The following CADPS2 variants were observed in gnomAD, a reference collection of about 807,000 sequenced individuals.
The protein encoded by CADPS2 is calcium dependent secretion activator 2.
In CADPS2, 93 loss-of-function variants were observed where a neutral mutation model predicts 172.5. That is an observed-to-expected ratio of 0.54 (90% CI 0.46 to 0.64). The LOEUF (loss-of-function observed/expected upper bound fraction) is 0.64, where lower values mean the gene tolerates loss of function less well. Among genes scored for constraint, CADPS2 ranks in the 30% least tolerant of loss-of-function variants. The pLI is 0.00. For missense variants in CADPS2, 1,420 were observed against 1,565.9 expected (o/e 0.91, Z 1.57); for synonymous variants, 546 against 555.2 (o/e 0.98, Z 0.23).
intron 9 of CADPS2, among the ~76,000 whole-genome samples, chr7:122,500,815 G>C (rs1455716066): frequency 1.3e-5 from 2 of 152,132 alleles, no homozygotes; most frequent in African/African-American, 2.4e-5. Context: ...ACTTATGTAA[G>C]TGGCAAGATA....
intron 3 of CADPS2, among the ~76,000 whole-genome samples, 181 bp downstream of exon 3, chr7:122,663,056 C>A (rs940170324): frequency 6.6e-6 from 1 of 152,112 alleles, no homozygotes; most frequent in African/African-American, 2.4e-5. Context: ...TCTCCTTCTA[C>A]CAAATACTTT....
intron 8 of CADPS2, among the ~76,000 whole-genome samples, chr7:122,542,490 T>C (rs2063202944): frequency 6.6e-6 from 1 of 152,166 alleles, no homozygotes; most frequent in Admixed American, 6.6e-5. Flanking sequence ...TTCATAACTT[T>C]CATTTTAAGA....
chr7:122,534,536 C>T (rs901695196), intron 8 of CADPS2, among the ~76,000 whole-genome samples: 2 of 152,008 alleles, frequency 1.3e-5, no homozygotes, highest in Non-Finnish European at 2.9e-5. Context: ...CAAACTGATA[C>T]AATTCTGAGA....
intron 27 of CADPS2, among the ~76,000 whole-genome samples, chr7:122,349,629 C>G (rs2038223294): frequency 6.6e-6 from 1 of 152,162 alleles, no homozygotes; most frequent in Non-Finnish European, 1.5e-5. Context: ...GTGAGTTCCT[C>G]TGACACTGTA....
At chr7:122,620,471 T>A (rs1338140646) in intron 5 of CADPS2, among the ~76,000 whole-genome samples, 1 of 152,124 alleles carries the variant, frequency 6.6e-6, no homozygotes, top group East Asian at 1.9e-4. Flanking sequence ...CACAGACATA[T>A]AACTAGATAA....
At chr7:122,520,921 T>C (rs1366443430) in intron 8 of CADPS2, among the ~76,000 whole-genome samples, 2 of 152,126 alleles carry the variant, frequency 1.3e-5, no homozygotes, top group Non-Finnish European at 2.9e-5. Flanking sequence ...ATACAGAAGA[T>C]GGGAATTATT....
chr7:122,454,627 A>G (rs1308801619), intron 14 of CADPS2, among the ~76,000 whole-genome samples: 1 of 152,216 alleles, frequency 6.6e-6, no homozygotes, highest in Admixed American at 6.5e-5. Context: ...AGTCAGTTAA[A>G]GAAGACCGTA....
chr7:122,403,834 T>G (rs2046270091), intron 20 of CADPS2, among the ~76,000 whole-genome samples: 1 of 152,180 alleles, frequency 6.6e-6, no homozygotes, highest in Non-Finnish European at 1.5e-5. Context: ...TGGAATATCA[T>G]CAAAAAATAT....
At chr7:122,823,911 A>T (rs1365020718) in intron 1 of CADPS2, among the ~76,000 whole-genome samples, 1 of 152,098 alleles carries the variant, frequency 6.6e-6, no homozygotes, top group Non-Finnish European at 1.5e-5. Flanking sequence ...TTTTTTAAAA[A>T]AAAGCTCACT....
chr7:122,729,372 G>T (rs2091423958), intron 2 of CADPS2, among the ~76,000 whole-genome samples: 1 of 151,530 alleles, frequency 6.6e-6, no homozygotes, highest in African/African-American at 2.4e-5. Flanking sequence ...AATTTCCTTT[G>T]GATAAATACC....
intron 25 of CADPS2, among the ~76,000 whole-genome samples, chr7:122,362,290 C>A (rs2040257492): frequency 6.6e-6 from 1 of 152,070 alleles, no homozygotes; most frequent in South Asian, 2.1e-4. Flanking sequence ...AAAACAGATA[C>A]ACACTGCAGA....
At position 122,886,403 on chromosome 7, in the gene CADPS2, C is replaced by G. The variant is rs946937328; in HGVS notation, c.-66G>C. 8 of 1,454,120 alleles carry G rather than the reference C, an allele frequency of 5.5e-6. No homozygotes were observed. The African/African-American group carries it at 1.0e-4, about 19-fold the overall frequency. The allele number at this position is 1,454,120 out of a possible 1,614,324, so 90.1% of individuals were successfully genotyped here. On this transcript the variant is annotated 5_prime_UTR_variant, in exon 1 of 30. Coordinates refer to ENST00000449022, the MANE Select transcript of CADPS2 (RefSeq NM_017954.11). The stretch of plus-strand genomic sequence containing the variant: ...GCGCCTCACCCCCGGCGGCTGCGCC[C>G]GCGGGTCTGAGGGAGCCGCGGGGCT...
At chr7:122,720,624 G>C (rs1477065730) in intron 2 of CADPS2, among the ~76,000 whole-genome samples, 2 of 151,262 alleles carry the variant, frequency 1.3e-5, no homozygotes, top group African/African-American at 4.9e-5. Context: ...ATACATATAT[G>C]TACGTATGTG....
At chr7:122,623,241 C>T (rs1334709215) in intron 4 of CADPS2, among the ~76,000 whole-genome samples, 6 of 34,980 alleles carry the variant, frequency 1.7e-4, no homozygotes, top group South Asian at 1.0e-3. Context: ...TTTAGTGGGG[C>T]GGGGGAGGGA....
rs778963218 is a variant in CADPS2 at position 122,637,208 on chromosome 7, T to TTTTTCTC, written c.787-7881_787-7880insGAGAAAA. 6.9e-4 allele frequency among the ~76,000 whole-genome samples: 43 copies of TTTTTCTC among 62,694 alleles called. 4 individuals are homozygous for TTTTTCTC. Among genetic ancestry groups the TTTTTCTC allele is most frequent in the Admixed American group, 3.7e-3 (14 of 3,798 alleles). 41.1% of individuals were successfully genotyped at this position (62,694 alleles called of 152,430 possible). A position where few individuals can be genotyped will look rare whatever the true frequency, so the allele number is the denominator to read the frequency against. On this transcript the variant is annotated intron_variant, in intron 3 of 29. Coordinates refer to ENST00000449022, the MANE Select transcript of CADPS2 (RefSeq NM_017954.11). Reference sequence around the variant, plus strand: ...TTTTTTTTTTTTTTTTTTTTTTTTTTCCTGAGACAGGGTCTCACTCTGTGG... The same window carrying TTTTTCTC: ...TTTTTTTTTTTTTTTTTTTTTTTTTTTTTTCTCCCTGAGACAGGGTCTCACTCTGTGG...
chr7:122,427,503 C>T (rs2049320627), intron 17 of CADPS2: 1 of 152,076 alleles, frequency 6.6e-6, no homozygotes, highest in South Asian at 2.1e-4. Flanking sequence ...CTCTGGAGAA[C>T]AAGTTTCTAT....
intron 2 of CADPS2, among the ~76,000 whole-genome samples, chr7:122,672,508 A>G (rs1221869698): frequency 6.6e-6 from 1 of 152,172 alleles, no homozygotes; most frequent in African/African-American, 2.4e-5. Flanking sequence ...GTCACCTAGT[A>G]CCCTCTCCAA....
In CADPS2 at chr7:122,360,734, A is replaced by ATT; in HGVS notation, c.3504+52_3504+53dup. On this transcript the variant is annotated intron_variant, in intron 27 of 29. Transcript: ENST00000449022. ...TGAAATAAACCCATGATGAACTGCA[A>ATT]TTTTTTTTTAAAGAATTCCATACAG... The ATT allele has an allele frequency of 3.4e-6, 5 of 1,473,656 alleles. No individual in the cohort carries two copies. The African/African-American group carries it at 5.7e-5, about 17-fold the overall frequency. The allele number at this position is 1,473,656 out of a possible 1,614,324, so 91.3% of individuals were successfully genotyped here.
intron 7 of CADPS2, among the ~76,000 whole-genome samples, chr7:122,573,636 T>G (rs1444168171): frequency 6.6e-6 from 1 of 152,152 alleles, no homozygotes; most frequent in Non-Finnish European, 1.5e-5. Flanking sequence ...AAAAATCATT[T>G]TGGTAAAATA....
Sources: allele counts gnomAD v4.1 joint callset (sites outside exome capture counted in the v4.1 genomes callset), GRCh38; gene constraint gnomAD v4.1.1; transcripts MANE v1.5; gene names NCBI Gene and HGNC (gene_info 2026-07-23, HGNC 2026-07-21).